TIAM1: variants seen among roughly 807,000 people sequenced by gnomAD.
TIAM1 encodes TIAM Rac1 associated GEF 1.
In TIAM1, 65 loss-of-function variants were observed where a neutral mutation model predicts 163.5. That is an observed-to-expected ratio of 0.40 (90% confidence interval 0.33 to 0.49). The LOEUF (loss-of-function observed/expected upper bound fraction) is 0.49, where lower values mean the gene tolerates loss of function less well. Ranked by LOEUF, TIAM1 falls within the 20% of genes least tolerant of loss-of-function variation. The pLI, the probability that TIAM1 is intolerant of heterozygous loss-of-function variation, is 0.77. For synonymous variants in TIAM1, 833 were observed against 810.1 expected (o/e 1.03, Z -0.48); for missense variants, 1,789 against 2,044.7 (o/e 0.87, Z 2.41).
chr21:31,165,103 G>A, intron 15 of TIAM1, 38 bp from the exon 16 acceptor site: 1 of 1,601,258 alleles, frequency 6.2e-7, no homozygotes, highest in Non-Finnish European at 8.5e-7. Flanking sequence ...GGGTCAACAT[G>A]GACAGTAATT....
chr21:31,473,429 CAA>C lies in TIAM1; in HGVS notation c.-421-9396_-421-9395del, dbSNP rs56691495. Among the ~76,000 whole-genome samples, 81 of 75,654 alleles carry C rather than the reference CAA, an allele frequency of 1.1e-3. No homozygotes were observed. In the East Asian group the frequency reaches 0.022, roughly 21 times the overall value. 49.6% of individuals were successfully genotyped at this position (75,654 alleles called of 152,430 possible). A position where few individuals can be genotyped will look rare whatever the true frequency, so the allele number is the denominator to read the frequency against. ...TGGGGGACAGATCAAGACTCCATCT[CAA>C]AAAAAAAAAAAAAAAAAAAAAAAAA... On this transcript the variant is annotated intron_variant, in intron 1 of 28. Coordinates refer to the TIAM1 transcript ENST00000286827.
chr21:31,321,975 C>G (rs2075331016), intron 2 of TIAM1, among the ~76,000 whole-genome samples: 1 of 152,092 alleles, frequency 6.6e-6, no homozygotes, highest in Non-Finnish European at 1.5e-5. Flanking sequence ...ATCACTTGAA[C>G]TTGGGAGGCA....
intron 1 of TIAM1, among the ~76,000 whole-genome samples, chr21:31,499,559 A>T (rs1156952760): frequency 2.2e-5 from 2 of 90,054 alleles, no homozygotes; most frequent in Non-Finnish European, 5.0e-5. Context: ...AATTAAGACT[A>T]AAAAAAAAAA....
intron 2 of TIAM1, among the ~76,000 whole-genome samples, chr21:31,413,924 A>G (rs1602222618): frequency 6.6e-6 from 1 of 152,178 alleles, no homozygotes; most frequent in Non-Finnish European, 1.5e-5. Context: ...TCACCTGCAC[A>G]AGGTCAACAT....
At chr21:31,380,156 C>T (rs1015751860) in intron 2 of TIAM1, among the ~76,000 whole-genome samples, 1 of 151,794 alleles carries the variant, frequency 6.6e-6, no homozygotes, top group Admixed American at 6.6e-5. Context: ...CTCAGCTACT[C>T]GGGAGGCTGG....
intron 15 of TIAM1, among the ~76,000 whole-genome samples, chr21:31,178,642 T>A (rs906282472): frequency 1.3e-5 from 2 of 151,928 alleles, no homozygotes; most frequent in Non-Finnish European, 2.9e-5. Flanking sequence ...TTGAAGCCAG[T>A]TTAGAAACTT....
intron 1 of TIAM1, among the ~76,000 whole-genome samples, chr21:31,546,049 G>T (rs2048475638): frequency 6.9e-6 from 1 of 145,084 alleles, no homozygotes. Flanking sequence ...TACAGGAAGA[G>T]AAAAAAATTG....
intron 1 of TIAM1, among the ~76,000 whole-genome samples, chr21:31,474,730 A>T (rs1036748012): frequency 6.6e-6 from 1 of 151,922 alleles, no homozygotes; most frequent in African/African-American, 2.4e-5. Context: ...TTTTTAGTAG[A>T]GACGGGGTTT....
chr21:31,186,133 G>T (rs1320742629), intron 14 of TIAM1, among the ~76,000 whole-genome samples: 1 of 152,128 alleles, frequency 6.6e-6, no homozygotes, highest in Non-Finnish European at 1.5e-5. Flanking sequence ...TGAAGAGTTG[G>T]GGTTCCCCAA....
chr21:31,226,393 C>G (rs1284674851), intron 6 of TIAM1, among the ~76,000 whole-genome samples: 1 of 152,138 alleles, frequency 6.6e-6, no homozygotes, highest in African/African-American at 2.4e-5. Context: ...CCACTGCAAC[C>G]CAAATCCAAA....
At chr21:31,197,732 T>C (rs1466835490) in intron 12 of TIAM1, among the ~76,000 whole-genome samples, 2 of 152,214 alleles carry the variant, frequency 1.3e-5, no homozygotes, top group Non-Finnish European at 2.9e-5. Flanking sequence ...GTTCTGACCA[T>C]GTGTCACGCC....
At chr21:31,188,756 T>A (rs2085415024) in intron 13 of TIAM1, among the ~76,000 whole-genome samples, 1 of 151,958 alleles carries the variant, frequency 6.6e-6, no homozygotes, top group Non-Finnish European at 1.5e-5. Flanking sequence ...TAATTTTTTT[T>A]AGAGATGGGG....
At chr21:31,162,252 G>A (rs994407631) in intron 16 of TIAM1, among the ~76,000 whole-genome samples, 1 of 152,132 alleles carries the variant, frequency 6.6e-6, no homozygotes, top group Admixed American at 6.5e-5. Flanking sequence ...TCCCTCAAGA[G>A]TGTTGTGAGG....
intron 1 of TIAM1, among the ~76,000 whole-genome samples, chr21:31,524,213 G>A (rs1211469204): frequency 6.6e-6 from 1 of 152,194 alleles, no homozygotes. Context: ...TCTGCAGATT[G>A]TACAAGAAGC....
chr21:31,502,310 C>T (rs1444590323), intron 1 of TIAM1, among the ~76,000 whole-genome samples: 2 of 151,974 alleles, frequency 1.3e-5, no homozygotes, highest in African/African-American at 4.8e-5. Context: ...CTCGCTCTGT[C>T]GCCCAGGCAG....
At chr21:31,434,584 T>C (rs769186015) in intron 2 of TIAM1, among the ~76,000 whole-genome samples, 8 of 152,258 alleles carry the variant, frequency 5.3e-5, no homozygotes, top group African/African-American at 9.6e-5. Flanking sequence ...CTGTTAAACT[T>C]TTAAAAATTC....
At chr21:31,314,808 G>C (rs1032969261) in intron 2 of TIAM1, among the ~76,000 whole-genome samples, 2 of 152,140 alleles carry the variant, frequency 1.3e-5, no homozygotes, top group Admixed American at 1.3e-4. Context: ...CTTCTGCATA[G>C]GCCCTGGGAA....
At chr21:31,334,296 T>C (rs28397110) in intron 2 of TIAM1, among the ~76,000 whole-genome samples, 5,029 of 152,062 alleles carry the variant, frequency 0.033, 275 homozygotes, top group African/African-American at 0.11. Flanking sequence ...CGCCTTTTTT[T>C]TTTTTTGACT....
intron 2 of TIAM1, among the ~76,000 whole-genome samples, chr21:31,288,678 T>A (rs1400861029): frequency 6.6e-6 from 1 of 152,052 alleles, no homozygotes; most frequent in African/African-American, 2.4e-5. Context: ...GAGACACAAA[T>A]AATGGCCAAT....
Sources: allele counts gnomAD v4.1 joint callset (sites outside exome capture counted in the v4.1 genomes callset), GRCh38; gene constraint gnomAD v4.1.1; transcripts MANE v1.5; gene names NCBI Gene and HGNC (gene_info 2026-07-23, HGNC 2026-07-21).